Variants in PPP2R2B observed in about 807,000 individuals in gnomAD.
PPP2R2B encodes the protein serine/threonine-protein phosphatase 2A 55 kDa regulatory subunit B beta isoform.
Under a neutral mutation model 46.0 loss-of-function variants are expected in PPP2R2B, and 5 were observed. That is an observed-to-expected ratio of 0.11 (90% confidence interval 0.06 to 0.23). The LOEUF is 0.23. Ranked by LOEUF, PPP2R2B falls within the 10% of genes least tolerant of loss-of-function variation. The pLI is 1.00. For synonymous variants in PPP2R2B, 215 were observed against 206.7 expected, an observed-to-expected ratio of 1.04 and a Z score of -0.34; for missense variants, 367 against 575.0, an observed-to-expected ratio of 0.64 and a Z score of 3.70.
chr5:147,010,970 C>T (rs1754699582), intron 1 of PPP2R2B, among the ~76,000 whole-genome samples: 1 of 152,264 alleles, frequency 6.6e-6, no homozygotes, highest in South Asian at 2.1e-4. Flanking sequence ...CTGACTCAGG[C>T]CTTGGCACTT....
intron 2 of PPP2R2B, among the ~76,000 whole-genome samples, chr5:147,064,162 C>T (rs558728058): frequency 3.9e-5 from 6 of 152,288 alleles, no homozygotes; most frequent in Non-Finnish European, 7.3e-5. Context: ...GGTATGTACT[C>T]ATCAGTTCCT....
intron 3 of PPP2R2B, 142 bp from the exon 4 acceptor site, chr5:146,698,286 A>T: frequency 8.3e-6 from 2 of 239,808 alleles, no homozygotes; most frequent in East Asian, 1.4e-4. Context: ...CATGATAGTC[A>T]CTAGCACCTC....
intron 2 of PPP2R2B, among the ~76,000 whole-genome samples, chr5:146,818,308 T>C (rs1437122102): frequency 6.6e-6 from 1 of 151,196 alleles, no homozygotes; most frequent in Non-Finnish European, 1.5e-5. Context: ...GAATAATTAA[T>C]GAAATAAATT....
At chr5:146,703,798 G>A (rs34981622) in intron 2 of PPP2R2B, among the ~76,000 whole-genome samples, 27,059 of 152,110 alleles carry the variant, frequency 0.18, 2,548 homozygotes, top group East Asian at 0.26. Context: ...ATTAGGCATG[G>A]TCCCAGGTAA....
chr5:146,886,061 G>C, intron 1 of PPP2R2B, among the ~76,000 whole-genome samples: 1 of 152,282 alleles, frequency 6.6e-6, no homozygotes, highest in South Asian at 2.1e-4. Flanking sequence ...AGGGGCGGCC[G>C]GGCGCGGTGG....
chr5:146,855,554 A>G (rs1760608022), intron 2 of PPP2R2B, among the ~76,000 whole-genome samples: 1 of 152,070 alleles, frequency 6.6e-6, no homozygotes, highest in African/African-American at 2.4e-5. Flanking sequence ...CACCTTTTAA[A>G]TTTTATTAGC....
At position 147,063,912 on chromosome 5, in the gene PPP2R2B, A is replaced by G. The variant is rs117950227; in HGVS notation, c.50+17147T>C. The stretch of plus-strand genomic sequence containing the variant: ...AGTAAGTGGTTTTAACGTCTTTTCA[A>G]GAAAACACTTTTAACTCAGTTTTCC... On this transcript the variant is annotated intron_variant, in intron 2 of 10. Coordinates refer to the PPP2R2B transcript ENST00000394413. Among the ~76,000 whole-genome samples the G allele has an allele frequency of 1.8e-4, 28 of 152,348 alleles. No homozygotes were observed. The East Asian group carries it at 5.4e-3, about 29-fold the overall frequency.
intron 2 of PPP2R2B, among the ~76,000 whole-genome samples, chr5:146,854,010 A>G (rs966453583): frequency 3.9e-5 from 6 of 152,008 alleles, no homozygotes; most frequent in African/African-American, 9.7e-5. Flanking sequence ...TGTGTCCCCT[A>G]CTAAACCACA....
chr5:146,980,760 G>GT (rs1048586603), intron 1 of PPP2R2B, among the ~76,000 whole-genome samples: 2 of 152,132 alleles, frequency 1.3e-5, no homozygotes, highest in African/African-American at 4.8e-5. Flanking sequence ...TTTTTGGAAT[G>GT]TTTTATACAT....
At chr5:146,712,015 T>C (rs1416453549) in intron 2 of PPP2R2B, among the ~76,000 whole-genome samples, 2 of 152,196 alleles carry the variant, frequency 1.3e-5, no homozygotes, top group African/African-American at 4.8e-5. Context: ...ATATTTTTGT[T>C]AAACTGTAGG....
chr5:146,798,454 A>G (rs1165469253), intron 2 of PPP2R2B, among the ~76,000 whole-genome samples: 1 of 152,198 alleles, frequency 6.6e-6, no homozygotes, highest in African/African-American at 2.4e-5. Context: ...TGATAGGCAT[A>G]TGCAGAAGAT....
At chr5:146,677,848 CAA>C in intron 5 of PPP2R2B, among the ~76,000 whole-genome samples, 1 of 152,192 alleles carries the variant, frequency 6.6e-6, no homozygotes. Flanking sequence ...ATTTTCAAAC[CAA>C]AGATTCCTAG....
At chr5:146,706,490 G>A in intron 2 of PPP2R2B, 1 of 1,191,952 alleles carries the variant, frequency 8.4e-7, no homozygotes, top group Non-Finnish European at 1.2e-6. Context: ...TCAGCTTGAT[G>A]TTCATCAGCT....
At chr5:146,590,264 C>CTGTCTT (rs1266064511) in intron 9 of PPP2R2B, 38 bp from the exon 10 acceptor site, 1 of 1,589,556 alleles carries the variant, frequency 6.3e-7, no homozygotes, top group Non-Finnish European at 8.6e-7. Context: ...CATATCTTCA[C>CTGTCTT]TGTCTTTTCT....
chr5:146,592,018 T>A (rs1178797274), intron 9 of PPP2R2B: 11 of 350,928 alleles, frequency 3.1e-5, no homozygotes, highest in African/African-American at 4.4e-5. Flanking sequence ...ATAACAGATA[T>A]GTAAATAATA....
rs1561901594 is a variant in PPP2R2B at position 146,781,160 on chromosome 5, ATATATATATATAT to A, written c.71-80031_71-80019del. Among the ~76,000 whole-genome samples, 42 of 118,098 alleles carry A rather than the reference ATATATATATATAT, an allele frequency of 3.6e-4. 1 individual carries two copies. The highest frequency in any genetic ancestry group is 4.1e-3 in the Middle Eastern group (1 of 242). 77.5% of individuals were successfully genotyped at this position (118,098 alleles called of 152,430 possible). On this transcript the variant is annotated intron_variant, in intron 2 of 9. Transcript: ENST00000394411. ...TATATATATATATATATATATATAT[ATATATATATATAT>A]ATAAAATTATTCTCATGATATAAGT...
intron 1 of PPP2R2B, among the ~76,000 whole-genome samples, chr5:147,029,397 AT>A (rs1379550453): frequency 1.3e-5 from 2 of 152,128 alleles, no homozygotes; most frequent in Non-Finnish European, 2.9e-5. Flanking sequence ...AAAAGACCAC[AT>A]TTTCTCCATT....
chr5:146,652,266 C>T (rs965192119), intron 5 of PPP2R2B, among the ~76,000 whole-genome samples: 4 of 152,174 alleles, frequency 2.6e-5, no homozygotes, highest in Admixed American at 6.5e-5. Context: ...AGTGACCATG[C>T]TCCCTGTGCT....
At chr5:146,643,794 C>T (rs1291958699) in intron 6 of PPP2R2B, among the ~76,000 whole-genome samples, 1 of 152,122 alleles carries the variant, frequency 6.6e-6, no homozygotes, top group Non-Finnish European at 1.5e-5. Context: ...CAACTATATA[C>T]AAAATAAAAT....
Sources: allele counts gnomAD v4.1 joint callset (sites outside exome capture counted in the v4.1 genomes callset), GRCh38; gene constraint gnomAD v4.1.1; transcripts MANE v1.5; gene names NCBI Gene and HGNC (gene_info 2026-07-23, HGNC 2026-07-21).